RBMS3: variants seen among roughly 807,000 people sequenced by gnomAD.
The protein encoded by RBMS3 is RNA-binding motif, single-stranded-interacting protein 3.
Under a neutral mutation model 66.8 loss-of-function variants are expected in RBMS3, and 27 were observed. The ratio of observed to expected loss-of-function variants is 0.40; its 90% CI spans 0.30 to 0.56. The LOEUF (loss-of-function observed/expected upper bound fraction) is 0.56. Ranked by LOEUF, RBMS3 falls within the 20% of genes least tolerant of loss-of-function variation. The pLI is 0.40. For synonymous variants in RBMS3, 188 were observed against 183.0 expected, an observed-to-expected ratio of 1.03 and a Z score of -0.22; for missense variants, 513 against 549.5, an observed-to-expected ratio of 0.93 and a Z score of 0.66.
chr3:29,963,997 A>G (rs1446933733), intron 12 of RBMS3, among the ~76,000 whole-genome samples: 2 of 152,154 alleles, frequency 1.3e-5, no homozygotes, highest in African/African-American at 2.4e-5. Flanking sequence ...CTCAGATTTC[A>G]TTGTATGTAG....
intron 1 of RBMS3, among the ~76,000 whole-genome samples, chr3:29,291,720 A>C (rs1204229512): frequency 6.6e-6 from 1 of 151,696 alleles, no homozygotes; most frequent in East Asian, 1.9e-4. Context: ...ACGGTTATTT[A>C]CCTAGGATAA....
In RBMS3 at chr3:30,006,514, C is replaced by T. The variant is rs1466369615; in HGVS notation, c.*2652C>T. On this transcript the variant is annotated 3_prime_UTR_variant, in exon 15 of 15. Transcript: ENST00000383767. ...TGCTAGATTTATACTGTCTTTTGTT[C>T]CATCCTTCAGCTTCCCATGCATTAT... 3 of 151,914 alleles carry T rather than the reference C, an allele frequency of 2.0e-5. No individual in the cohort carries two copies. Among genetic ancestry groups the T allele is most frequent in the African/African-American group, 7.2e-5 (3 of 41,404 alleles). 9.4% of individuals were successfully genotyped at this position (151,914 alleles called of 1,614,324 possible).
At chr3:29,417,170 GT>G (rs1316812314) in intron 1 of RBMS3, among the ~76,000 whole-genome samples, 5 of 152,022 alleles carry the variant, frequency 3.3e-5, no homozygotes, top group African/African-American at 1.2e-4. Flanking sequence ...TTATTTTCAT[GT>G]TGTTCTTCAG....
chr3:29,796,694 T>C (rs1345796342), intron 6 of RBMS3, among the ~76,000 whole-genome samples: 1 of 145,332 alleles, frequency 6.9e-6, no homozygotes, highest in East Asian at 2.0e-4. Context: ...CAATGAGAAG[T>C]AATATTTTGA....
intron 4 of RBMS3, among the ~76,000 whole-genome samples, chr3:29,604,889 T>A (rs2048269566): frequency 1.3e-5 from 2 of 151,926 alleles, no homozygotes; most frequent in African/African-American, 4.8e-5. Context: ...ATCTTTTTAA[T>A]GGGGTTAGAG....
chr3:29,681,154 A>G (rs2051472947), intron 4 of RBMS3, among the ~76,000 whole-genome samples: 3 of 152,316 alleles, frequency 2.0e-5, no homozygotes, highest in African/African-American at 7.2e-5. Flanking sequence ...TGCTCAGCCT[A>G]CTTGTTGGCC....
At chr3:29,924,972 GTTTC>G (rs1331207263) in intron 10 of RBMS3, 6 of 152,102 alleles carry the variant, frequency 3.9e-5, no homozygotes, top group African/African-American at 1.2e-4. Context: ...TGACTTAGGA[GTTTC>G]TTTGTTATTC....
chr3:29,804,372 T>C (rs2057477515), intron 6 of RBMS3, among the ~76,000 whole-genome samples: 1 of 152,072 alleles, frequency 6.6e-6, no homozygotes, highest in Non-Finnish European at 1.5e-5. Flanking sequence ...TAATTAGCTC[T>C]ATAATATATA....
At chr3:29,999,652 A>T (rs1166347877) in intron 14 of RBMS3, among the ~76,000 whole-genome samples, 1 of 152,098 alleles carries the variant, frequency 6.6e-6, no homozygotes, top group Non-Finnish European at 1.5e-5. Flanking sequence ...GCAAACTATC[A>T]CAAGGACAAA....
chr3:29,385,822 G>A (rs1324700746), intron 1 of RBMS3, among the ~76,000 whole-genome samples: 5 of 152,012 alleles, frequency 3.3e-5, no homozygotes, highest in Non-Finnish European at 7.4e-5. Context: ...CCTATCTCAG[G>A]CATCTTACTT....
intron 1 of RBMS3, among the ~76,000 whole-genome samples, chr3:29,422,315 C>T (rs2040776976): frequency 7.0e-6 from 1 of 142,146 alleles, no homozygotes; most frequent in African/African-American, 2.6e-5. Context: ...TAAAAAAGGA[C>T]AATAGCAATT....
intron 4 of RBMS3, among the ~76,000 whole-genome samples, chr3:29,729,750 AT>A (rs1360050283): frequency 1.3e-5 from 2 of 151,964 alleles, no homozygotes; most frequent in Non-Finnish European, 2.9e-5. Context: ...AATGATGAGA[AT>A]TTTTTAATTG....
intron 2 of RBMS3, among the ~76,000 whole-genome samples, chr3:29,442,426 C>T (rs749951543): frequency 1.3e-5 from 2 of 151,604 alleles, no homozygotes; most frequent in African/African-American, 4.8e-5. Context: ...TCCTGATAGC[C>T]GATGATATTT....
chr3:29,811,097 GT>G (rs893905074), intron 6 of RBMS3, among the ~76,000 whole-genome samples: 6 of 152,092 alleles, frequency 3.9e-5, no homozygotes, highest in African/African-American at 1.4e-4. Context: ...TGTGGTACTG[GT>G]GTTGGGGTAA....
intron 1 of RBMS3, among the ~76,000 whole-genome samples, chr3:29,321,593 T>A (rs2035010634): frequency 6.6e-6 from 1 of 152,176 alleles, no homozygotes; most frequent in Non-Finnish European, 1.5e-5. Context: ...TTTTTCCTCT[T>A]GCAATTCCCT....
intron 4 of RBMS3, among the ~76,000 whole-genome samples, chr3:29,729,004 T>C (rs2054005670): frequency 6.6e-6 from 1 of 152,176 alleles, no homozygotes; most frequent in South Asian, 2.1e-4. Flanking sequence ...TTTATTATAC[T>C]TTAAGTTCTA....
At chr3:29,549,059 G>GTT (rs5847579) in intron 3 of RBMS3, among the ~76,000 whole-genome samples, 1,805 of 85,256 alleles carry the variant, frequency 0.021, 107 homozygotes, top group African/African-American at 0.063. Flanking sequence ...TCCTACTTCT[G>GTT]TTTTTTTTTT....
chr3:29,793,754 C>T (rs1226438883), intron 6 of RBMS3, among the ~76,000 whole-genome samples: 1 of 152,196 alleles, frequency 6.6e-6, no homozygotes, highest in South Asian at 2.1e-4. Context: ...GATGTATGGT[C>T]ATTCTTTGGT....
chr3:29,378,246 G>A (rs553833540), intron 1 of RBMS3, among the ~76,000 whole-genome samples: 3 of 152,276 alleles, frequency 2.0e-5, no homozygotes, highest in South Asian at 2.1e-4. Flanking sequence ...GCCCAGGAGG[G>A]TGGATCACGA....
Sources: allele counts gnomAD v4.1 joint callset (sites outside exome capture counted in the v4.1 genomes callset), GRCh38; gene constraint gnomAD v4.1.1; transcripts MANE v1.5; gene names NCBI Gene and HGNC (gene_info 2026-07-23, HGNC 2026-07-21).